MYO18B: variants seen among roughly 807,000 people sequenced by gnomAD.
MYO18B encodes myosin XVIIIB, also known as unconventional myosin-XVIIIb.
Under a neutral mutation model 273.0 loss-of-function variants are expected in MYO18B, and 204 were observed. The observed-to-expected ratio is 0.75, with a 90% CI of 0.67 to 0.84. MYO18B has a LOEUF of 0.84. Ranked by LOEUF, MYO18B falls within the 40% of genes least tolerant of loss-of-function variation. The pLI is 0.00. For synonymous variants in MYO18B, 1,330 were observed against 1,305.7 expected (o/e 1.02, Z -0.40); for missense variants, 3,212 against 3,287.6 (o/e 0.98, Z 0.56).
intron 34 of MYO18B, among the ~76,000 whole-genome samples, chr22:25,945,686 T>C (rs1399113319): frequency 6.5e-5 from 7 of 106,962 alleles, no homozygotes; most frequent in Admixed American, 1.9e-4. Flanking sequence ...AGGCCTCTCC[T>C]CTCCCCTCGC....
chr22:25,796,459 G>A (rs1005909304), intron 11 of MYO18B, among the ~76,000 whole-genome samples: 1 of 152,018 alleles, frequency 6.6e-6, no homozygotes, highest in African/African-American at 2.4e-5. Flanking sequence ...ATCTGGGCAT[G>A]GCAGTGTGCA....
rs756492530 is a variant in MYO18B, at chr22:25,947,748, G to A, written c.5668G>A (p.Ala1890Thr). The change falls in exon 36 of 44, where the codon GCG (alanine) becomes ACG (threonine). Residue 1890 changes from alanine to threonine, a missense_variant. Transcript: ENST00000335473. The stretch of plus-strand genomic sequence containing the variant: ...GCTGTACAGGCTGCAGTTTGAGAAG[G>A]CGGACCTCCTGAAGCGCATCGATGA... ...EQLYRLQFEK[A>T]DLLKRIDEDQ... 1.2e-6 allele frequency: 2 copies of A among 1,613,728 alleles called. No individual in the cohort carries two copies. The highest frequency in any genetic ancestry group is 1.7e-5 in the Admixed American group (1 of 60,006).
chr22:26,032,567 G>A (rs1359488120), downstream of MYO18B, among the ~76,000 whole-genome samples: 1 of 146,826 alleles, frequency 6.8e-6, no homozygotes, highest in Non-Finnish European at 1.5e-5. Flanking sequence ...TGTGGCCCAG[G>A]CTGGAGTGCA....
intron 24 of MYO18B, among the ~76,000 whole-genome samples, chr22:25,877,454 T>C (rs2091230902): frequency 6.6e-6 from 1 of 152,156 alleles, no homozygotes; most frequent in African/African-American, 2.4e-5. Context: ...TTTTTTGTGG[T>C]GAAAGCACTT....
At chr22:25,925,557 T>C in intron 34 of MYO18B, among the ~76,000 whole-genome samples, 1 of 152,128 alleles carries the variant, frequency 6.6e-6, no homozygotes, top group Non-Finnish European at 1.5e-5. Flanking sequence ...ATCATCATCA[T>C]CATCACATGA....
chr22:25,906,741 A>G (rs1004429673), intron 31 of MYO18B, among the ~76,000 whole-genome samples: 1 of 152,200 alleles, frequency 6.6e-6, no homozygotes, highest in Admixed American at 6.5e-5. Context: ...ACTTACAGTC[A>G]CGGTGGAAGG....
At position 25,921,858 on chromosome 22, in the gene MYO18B, T is replaced by A. The variant is rs548702800; in HGVS notation, c.5517+449T>A. ...TGTGTGTGTGTGTGTGTGTGTGTGG[T>A]GACTGCCAGGACTAGGTATGAGCCA... is the stretch of plus-strand genomic sequence containing the variant. On this transcript the variant is annotated intron_variant, in intron 34 of 43. Transcript: ENST00000335473. Among the ~76,000 whole-genome samples the A allele has an allele frequency of 2.6e-3, 374 of 142,788 alleles. 1 individual carries two copies. The highest frequency in any genetic ancestry group is 9.9e-3 in the African/African-American group (360 of 36,472). The allele number at this position is 142,788 out of a possible 152,430, so 93.7% of individuals were successfully genotyped here.
intron 7 of MYO18B, among the ~76,000 whole-genome samples, chr22:25,773,265 C>T (rs977644710): frequency 3.3e-5 from 5 of 152,094 alleles, no homozygotes; most frequent in South Asian, 2.1e-4. Flanking sequence ...AGGTGCCAGG[C>T]GAGCAACCCT....
rs1465102664 is a variant in MYO18B, at chr22:25,921,245, T to G, written c.5365-12T>G. The G allele has an allele frequency of 2.6e-6, 4 of 1,549,142 alleles. No individual in the cohort carries two copies. In the East Asian group the frequency reaches 9.8e-5, roughly 38 times the overall value. On this transcript the variant is annotated splice_polypyrimidine_tract_variant and intron_variant, in intron 33 of 43. Coordinates refer to ENST00000335473, the MANE Select transcript of MYO18B (RefSeq NM_032608.7). ...TGCCACCTAAGCTCATGGGTCTCCCTTTGGCTTTCAGATTGGCCATCGGGA... is the reference window on the plus strand; with the variant it reads ...TGCCACCTAAGCTCATGGGTCTCCCGTTGGCTTTCAGATTGGCCATCGGGA...
At chr22:25,968,596 G>A (rs954544375) in intron 39 of MYO18B, among the ~76,000 whole-genome samples, 3 of 152,028 alleles carry the variant, frequency 2.0e-5, no homozygotes, top group Non-Finnish European at 4.4e-5. Context: ...CCCATAAGTA[G>A]GGTGGATCAA....
At chr22:26,052,856 G>T in the MYO18B span, among the ~76,000 whole-genome samples, 3 of 150,006 alleles carry the variant, frequency 2.0e-5, no homozygotes, top group Non-Finnish European at 4.4e-5. Context: ...AGGCTGGAGT[G>T]CAGTGGCGTG....
chr22:25,921,899 A>G (rs963491652), intron 34 of MYO18B, among the ~76,000 whole-genome samples: 2 of 151,862 alleles, frequency 1.3e-5, no homozygotes, highest in Admixed American at 6.6e-5. Context: ...CAATAGTGCA[A>G]TAGTGCCAGT....
At chr22:25,977,222 A>C in intron 39 of MYO18B, among the ~76,000 whole-genome samples, 1 of 152,140 alleles carries the variant, frequency 6.6e-6, no homozygotes, top group Non-Finnish European at 1.5e-5. Flanking sequence ...GTTGGGTTAC[A>C]GTCATTTTAA....
At chr22:25,928,700 A>G (rs897630911) in intron 34 of MYO18B, among the ~76,000 whole-genome samples, 6 of 152,202 alleles carry the variant, frequency 3.9e-5, no homozygotes, top group African/African-American at 1.4e-4. Flanking sequence ...ATAGGATTCA[A>G]ATCCTGCCAA....
intron 3 of MYO18B, among the ~76,000 whole-genome samples, chr22:25,766,220 A>G (rs376267363): frequency 1.3e-5 from 2 of 152,120 alleles, no homozygotes; most frequent in African/African-American, 4.8e-5. Flanking sequence ...TAGCTGGGTC[A>G]CCTTACATCT....
chr22:25,905,281 C>G (rs1421909470), intron 31 of MYO18B, among the ~76,000 whole-genome samples: 1 of 152,062 alleles, frequency 6.6e-6, no homozygotes, highest in African/African-American at 2.4e-5. Context: ...GGAACAAGAT[C>G]CAGGAAGTCT....
At chr22:25,840,215 A>G (rs2090041927) in intron 17 of MYO18B, among the ~76,000 whole-genome samples, 1 of 152,128 alleles carries the variant, frequency 6.6e-6, no homozygotes, top group African/African-American at 2.4e-5. Context: ...CCTGATCATA[A>G]CAAGGCCATA....
intron 21 of MYO18B, among the ~76,000 whole-genome samples, chr22:25,867,237 C>T (rs188991935): frequency 1.1e-3 from 173 of 152,324 alleles, no homozygotes; most frequent in Non-Finnish European, 1.9e-3. Context: ...CAACGCTCTT[C>T]CTCTTGCAAA....
intron 40 of MYO18B, among the ~76,000 whole-genome samples, chr22:25,992,999 A>G (rs902912116): frequency 2.0e-5 from 3 of 152,232 alleles, no homozygotes; most frequent in African/African-American, 7.2e-5. Flanking sequence ...ATGTTTGTAC[A>G]GAATAATGGA....
Sources: allele counts gnomAD v4.1 joint callset (sites outside exome capture counted in the v4.1 genomes callset), GRCh38; gene constraint gnomAD v4.1.1; transcripts MANE v1.5; gene names NCBI Gene and HGNC (gene_info 2026-07-23, HGNC 2026-07-21).